The following APPBP2 variants were observed in gnomAD, a reference collection of about 807,000 sequenced individuals.
The protein encoded by APPBP2 is amyloid protein-binding protein 2.
In APPBP2, 15 loss-of-function variants were observed where a neutral mutation model predicts 76.0. The observed-to-expected ratio is 0.20, with a 90% CI of 0.13 to 0.30. The LOEUF (loss-of-function observed/expected upper bound fraction) is 0.30. Ranked by LOEUF, APPBP2 falls within the 10% of genes least tolerant of loss-of-function variation. APPBP2 has a pLI of 1.00. For synonymous variants in APPBP2, 222 were observed against 242.2 expected (o/e 0.92, Z 0.77); for missense variants, 401 against 687.2 (o/e 0.58, Z 4.66).
Position 60,476,605 on chromosome 17 carries a change from T to G in APPBP2, c.503+2543A>C, listed in dbSNP as rs548311186. Reference sequence around the variant, plus strand: ...TAGAGGCAAATTTTATTGTGAAATTTCAAATTCATAAAGACATAAGGTCTT... The same window carrying G: ...TAGAGGCAAATTTTATTGTGAAATTGCAAATTCATAAAGACATAAGGTCTT... On this transcript the variant is annotated intron_variant, in intron 4 of 12. Transcript: ENST00000083182. Among the ~76,000 whole-genome samples the G allele has an allele frequency of 1.4e-4, 21 of 152,316 alleles. No individual in the cohort carries two copies. In the South Asian group the frequency reaches 3.1e-3, roughly 23 times the overall value.
At position 60,506,766 on chromosome 17, in the gene APPBP2, G is replaced by A. The variant is rs754395120; in HGVS notation, c.139-6279C>T. Among the ~76,000 whole-genome samples the A allele has an allele frequency of 3.3e-5, 5 of 152,152 alleles. 1 individual carries two copies. The highest frequency in any genetic ancestry group is 6.6e-5 in the Admixed American group (1 of 15,266). On this transcript the variant is annotated intron_variant, in intron 1 of 12. Coordinates refer to ENST00000083182, the MANE Select transcript of APPBP2 (RefSeq NM_006380.5). ...AAAAAAACATTTTCCCCCCGGGCGC[G>A]GTGGCTCGCGCCTGTAATGCCAGCA... is the stretch of plus-strand genomic sequence containing the variant.
At chr17:60,510,956 TC>T (rs11314614) in intron 1 of APPBP2, among the ~76,000 whole-genome samples, 42,329 of 151,778 alleles carry the variant, frequency 0.28, 12,849 homozygotes, top group African/African-American at 0.76. Context: ...TTAAGAGTTT[TC>T]CCCCCCAATG....
chr17:60,471,318 C>A (rs188410212), intron 4 of APPBP2, among the ~76,000 whole-genome samples: 119 of 152,066 alleles, frequency 7.8e-4, no homozygotes, highest in African/African-American at 2.6e-3. Context: ...TTTTTCTTGT[C>A]GAATTTCTTC....
At chr17:60,493,310 C>T (rs1174494579) in intron 3 of APPBP2, among the ~76,000 whole-genome samples, 1 of 152,050 alleles carries the variant, frequency 6.6e-6, no homozygotes, top group Non-Finnish European at 1.5e-5. Flanking sequence ...GAAACCCTGT[C>T]TCAAAATAAA....
At chr17:60,492,720 A>G (rs921466992) in intron 3 of APPBP2, among the ~76,000 whole-genome samples, 5 of 152,212 alleles carry the variant, frequency 3.3e-5, no homozygotes, top group African/African-American at 1.2e-4. Flanking sequence ...TATCTAGGAA[A>G]TAACTAACTT....
chr17:60,466,888 A>C (rs2090515252), intron 4 of APPBP2, among the ~76,000 whole-genome samples: 1 of 152,212 alleles, frequency 6.6e-6, no homozygotes, highest in African/African-American at 2.4e-5. Flanking sequence ...CACTTATTTC[A>C]TGATGCTTCA....
chr17:60,513,460 C>T, intron 1 of APPBP2: 1 of 601,894 alleles, frequency 1.7e-6, no homozygotes, highest in East Asian at 3.0e-5. Context: ...TACTATAATG[C>T]CAACAGGGCA....
chr17:60,505,698 T>G (rs947020372), intron 1 of APPBP2, among the ~76,000 whole-genome samples: 6 of 142,766 alleles, frequency 4.2e-5, no homozygotes, highest in African/African-American at 1.3e-4. Flanking sequence ...TTTTTTTTTT[T>G]TTTTTGAGAT....
chr17:60,472,928 C>T (rs1257965355), intron 4 of APPBP2, among the ~76,000 whole-genome samples: 4 of 151,972 alleles, frequency 2.6e-5, no homozygotes, highest in South Asian at 4.2e-4. Flanking sequence ...TATCAATATC[C>T]CTTTTGTATT....
chr17:60,456,254 T>C, intron 10 of APPBP2, 42 bp downstream of exon 10: 1 of 1,265,102 alleles, frequency 7.9e-7, no homozygotes. Context: ...ATACCATATA[T>C]CATCTATTTT....
intron 4 of APPBP2, among the ~76,000 whole-genome samples, chr17:60,474,619 A>T (rs1289720792): frequency 6.6e-6 from 1 of 152,210 alleles, no homozygotes; most frequent in Non-Finnish European, 1.5e-5. Context: ...CTTATTTGAA[A>T]TGTTTGGGAC....
At chr17:60,520,590 A>ATC (rs10633636) in intron 1 of APPBP2, among the ~76,000 whole-genome samples, 14,871 of 149,360 alleles carry the variant, frequency 0.1, 2,699 homozygotes, top group African/African-American at 0.36. Flanking sequence ...AAAAAAAAAA[A>ATC]ATTAAGATTG....
Position 60,454,302 on chromosome 17 carries a change from C to A in APPBP2, c.1338G>T (p.Lys446Asn). The change falls in exon 11 of 13, where the codon AAG becomes AAT. Residue 446 changes from lysine to asparagine, a missense_variant and splice_region_variant. This residue lies in a region of APPBP2 where 130 missense variants were observed against 322.7 expected (regional missense o/e 0.40). Coordinates refer to ENST00000083182, the MANE Select transcript of APPBP2 (RefSeq NM_006380.5). ...AAATATAGTAAAAACATGTTTCTAC[C>A]TTAAATTTTCTCATTGACTGATAAA... The part of the protein sequence containing the change: ...GRLYQSMRKF[K>N]EAEEMHIKAI... 6.5e-7 allele frequency: 1 copy of A among 1,548,928 alleles called. No individual in the cohort carries two copies. Among genetic ancestry groups the A allele is most frequent in the Non-Finnish European group, 8.7e-7 (1 of 1,150,160 alleles).
chr17:60,447,928 C>G, intron 12 of APPBP2, 94 bp from the exon 13 acceptor site: 1 of 1,222,056 alleles, frequency 8.2e-7, no homozygotes, highest in Non-Finnish European at 1.1e-6. Context: ...ATTCTTTAAA[C>G]AGGGTGGCTT....
Position 60,497,031 on chromosome 17 carries a change from T to C in APPBP2, c.228-2414A>G, listed in dbSNP as rs547462341. ...CCACCACGCCCAGCCGACTTACTTGTTTATTATCTTATCATCTCTCTCTAA... is the reference window on the plus strand; with the variant it reads ...CCACCACGCCCAGCCGACTTACTTGCTTATTATCTTATCATCTCTCTCTAA... On this transcript the variant is annotated intron_variant, in intron 2 of 12. Transcript: ENST00000083182. Among the ~76,000 whole-genome samples, 6 of 152,278 alleles carry C rather than the reference T, an allele frequency of 3.9e-5. No homozygotes were observed. The South Asian group carries it at 1.0e-3, about 26-fold the overall frequency.
Position 60,444,985 on chromosome 17 carries a change from T to G in APPBP2, c.*2596A>C, listed in dbSNP as rs1177247281. On this transcript the variant is annotated 3_prime_UTR_variant, in exon 13 of 13. Coordinates refer to ENST00000083182, the MANE Select transcript of APPBP2 (RefSeq NM_006380.5). ...TTATTGTGAGATAAATTTTATTATT[T>G]TCTTCAAGATTTTTAAGAAACCCAA... 1 of 152,180 alleles carries G rather than the reference T, an allele frequency of 6.6e-6. No individual in the cohort carries two copies. Among genetic ancestry groups the G allele is most frequent in the East Asian group, 1.9e-4 (1 of 5,200 alleles). The allele number at this position is 152,180 out of a possible 1,614,324, so 9.4% of individuals were successfully genotyped here.
chr17:60,509,740 G>A (rs1044784745), intron 1 of APPBP2, among the ~76,000 whole-genome samples: 2 of 151,924 alleles, frequency 1.3e-5, no homozygotes, highest in East Asian at 1.9e-4. Flanking sequence ...TGGAGGCTGC[G>A]GTGAGCTGAG....
chr17:60,490,861 CCAT>C (rs2090723410), intron 3 of APPBP2, among the ~76,000 whole-genome samples: 1 of 152,202 alleles, frequency 6.6e-6, no homozygotes, highest in African/African-American at 2.4e-5. Flanking sequence ...TTACCTTCCA[CCAT>C]GATTGTGAGG....
At chr17:60,455,063 ACTGT>A (rs921797803) in intron 10 of APPBP2, among the ~76,000 whole-genome samples, 23 of 152,182 alleles carry the variant, frequency 1.5e-4, no homozygotes, top group African/African-American at 5.3e-4. Flanking sequence ...TTATTGGAAA[ACTGT>A]CTATGTACAC....
Sources: gnomAD v4.1 joint callset for allele counts (sites outside exome capture counted in the v4.1 genomes callset) on GRCh38, gnomAD v4.1.1 for gene constraint, gnomAD v4.1.1 regional missense constraint, MANE v1.5 for transcripts, NCBI Gene and HGNC (gene_info 2026-07-23, HGNC 2026-07-21) for gene names.